Variants in RTKN2 observed in about 807,000 individuals in gnomAD.
RTKN2 encodes rhotekin-2.
RTKN2 carries 69 observed loss-of-function variants against 71.5 expected under a neutral mutation model. The observed-to-expected ratio is 0.96, with a 90% CI of 0.79 to 1.18. The LOEUF is 1.18. Ranked by LOEUF, RTKN2 falls within the 50% of genes most tolerant of loss-of-function variation. The probability of loss-of-function intolerance (pLI) is 0.00; values close to 1 mark genes in which losing one functional copy is unlikely to be tolerated. For synonymous variants in RTKN2, 236 were observed against 236.5 expected (o/e 1.00, Z 0.02); for missense variants, 724 against 719.7 (o/e 1.01, Z -0.07).
At chr10:62,203,931 T>G (rs1048609138) in intron 10 of RTKN2, among the ~76,000 whole-genome samples, 2 of 152,208 alleles carry the variant, frequency 1.3e-5, no homozygotes, top group Admixed American at 1.3e-4. Context: ...TTAGATCCCT[T>G]TCTTGCCTCT....
intron 9 of RTKN2, among the ~76,000 whole-genome samples, chr10:62,210,095 TC>T (rs1318819242): frequency 1.3e-5 from 2 of 152,180 alleles, no homozygotes; most frequent in Non-Finnish European, 2.9e-5. Flanking sequence ...GTATGAGCAT[TC>T]CTTTTTCTAA....
intron 9 of RTKN2, among the ~76,000 whole-genome samples, chr10:62,214,602 C>T (rs1052684624): frequency 3.3e-5 from 5 of 152,108 alleles, no homozygotes; most frequent in Admixed American, 2.6e-4. Flanking sequence ...AGATCCTTGT[C>T]ATCAGACTGA....
intron 8 of RTKN2, among the ~76,000 whole-genome samples, chr10:62,187,809 A>G (rs907188944): frequency 6.6e-6 from 1 of 152,150 alleles, no homozygotes; most frequent in Admixed American, 6.5e-5. Flanking sequence ...ATGCTCCCCA[A>G]TACTATCTGT....
intron 9 of RTKN2, among the ~76,000 whole-genome samples, chr10:62,211,215 G>A (rs1841652136): frequency 6.6e-6 from 1 of 152,172 alleles, no homozygotes; most frequent in Admixed American, 6.5e-5. Flanking sequence ...TATTGAGAAT[G>A]TCTTGCTCAA....
At chr10:62,225,001 T>C (rs1426697191) in intron 6 of RTKN2, among the ~76,000 whole-genome samples, 2 of 152,262 alleles carry the variant, frequency 1.3e-5, no homozygotes, top group Non-Finnish European at 2.9e-5. Flanking sequence ...GTCTGATTTA[T>C]ATTAATTTCC....
intron 3 of RTKN2, among the ~76,000 whole-genome samples, chr10:62,241,718 A>G (rs1290962539): frequency 1.3e-5 from 2 of 152,082 alleles, no homozygotes; most frequent in Non-Finnish European, 2.9e-5. Context: ...AGCTGAGATT[A>G]CAGGTGTGTG....
chr10:62,198,994 C>A (rs1029773729), intron 11 of RTKN2, among the ~76,000 whole-genome samples: 1 of 152,120 alleles, frequency 6.6e-6, no homozygotes, highest in Admixed American at 6.6e-5. Context: ...CAGAGTAAAG[C>A]CCTCATACCA....
chr10:62,261,220 A>G (rs186617069), intron 2 of RTKN2, among the ~76,000 whole-genome samples: 13 of 152,348 alleles, frequency 8.5e-5, no homozygotes, highest in Admixed American at 5.2e-4. Flanking sequence ...ATGAAAACTG[A>G]CATTTGTTGA....
In RTKN2 at chr10:62,218,167, TGTTGTAGGA is replaced by T; in HGVS notation, c.888+19_888+27del. ...TTAAGATTTAAAGTAGAGCTACAATTGTTGTAGGATATTTAAAGTCCTCTAACCTGCTGA... is the reference window on the plus strand; with the variant it reads ...TTAAGATTTAAAGTAGAGCTACAATTTATTTAAAGTCCTCTAACCTGCTGA... On this transcript the variant is annotated intron_variant, in intron 8 of 11. Coordinates refer to ENST00000373789, the MANE Select transcript of RTKN2 (RefSeq NM_145307.4). 1 of 1,357,328 alleles carries T rather than the reference TGTTGTAGGA, an allele frequency of 7.4e-7. No homozygotes were observed. The highest frequency in any genetic ancestry group is 1.4e-5 in the African/African-American group (1 of 69,974). The allele number at this position is 1,357,328 out of a possible 1,614,324, so 84.1% of individuals were successfully genotyped here. A position where few individuals can be genotyped will look rare whatever the true frequency, so the allele number is the denominator to read the frequency against.
chr10:62,188,693 GCTTTC>G (rs1841172525), downstream of RTKN2, among the ~76,000 whole-genome samples: 1 of 151,788 alleles, frequency 6.6e-6, no homozygotes. Context: ...TCTCCTAAGA[GCTTTC>G]CTTTCTTTTC....
At chr10:62,233,701 G>A (rs1266911133) in intron 6 of RTKN2, among the ~76,000 whole-genome samples, 1 of 152,096 alleles carries the variant, frequency 6.6e-6, no homozygotes. Flanking sequence ...GATGTAAAAT[G>A]TATTTTTTTA....
chr10:62,265,058 A>G lies in RTKN2; in HGVS notation c.61-2237T>C, dbSNP rs143117750. Among the ~76,000 whole-genome samples the G allele has an allele frequency of 4.0e-3, 613 of 151,980 alleles. 1 individual carries two copies. Among genetic ancestry groups the G allele is most frequent in the Non-Finnish European group, 6.4e-3 (437 of 67,982 alleles). ...TATAATGAAGACTCCATAAAACTAT[A>G]GAAGCTTGGGAAATAGTAGAGAAAG... On this transcript the variant is annotated intron_variant, in intron 1 of 11. Coordinates refer to ENST00000373789, the MANE Select transcript of RTKN2 (RefSeq NM_145307.4).
downstream of RTKN2, among the ~76,000 whole-genome samples, chr10:62,188,668 A>T (rs1841172307): frequency 6.6e-6 from 1 of 151,848 alleles, no homozygotes; most frequent in African/African-American, 2.4e-5. Context: ...TTCCTCCAAA[A>T]ATCCTTCCCA....
intron 3 of RTKN2, among the ~76,000 whole-genome samples, chr10:62,242,994 T>C (rs1842409397): frequency 6.6e-6 from 1 of 152,132 alleles, no homozygotes; most frequent in African/African-American, 2.4e-5. Context: ...AATTTTATTA[T>C]TATTATACTT....
chr10:62,193,527 A>AT lies in RTKN2; in HGVS notation c.*4380dup, dbSNP rs1433293539. ...ATTAGTAGGCCTCTCTCTGTAAAGT[A>AT]TTTTTTTAATTTTAAATATTTCTGA... On this transcript the variant is annotated 3_prime_UTR_variant, in exon 12 of 12. Transcript: ENST00000373789. 2 of 981,482 alleles carry AT rather than the reference A, an allele frequency of 2.0e-6. No individual in the cohort carries two copies. The highest frequency in any genetic ancestry group is 1.1e-4 in the East Asian group (1 of 8,810). 60.8% of individuals were successfully genotyped at this position (981,482 alleles called of 1,614,324 possible). A position where few individuals can be genotyped will look rare whatever the true frequency, so the allele number is the denominator to read the frequency against.
At chr10:62,208,988 G>A (rs955745880) in intron 9 of RTKN2, among the ~76,000 whole-genome samples, 3 of 152,196 alleles carry the variant, frequency 2.0e-5, no homozygotes, top group Admixed American at 6.5e-5. Context: ...AAAAAAGGCA[G>A]GCTGGGTGCG....
intron 5 of RTKN2, 132 bp downstream of exon 5, chr10:62,239,516 C>A: frequency 2.1e-6 from 1 of 470,274 alleles, no homozygotes; most frequent in Non-Finnish European, 3.8e-6. Context: ...TTTTTAAAAT[C>A]ATATTAAACA....
intron 2 of RTKN2, among the ~76,000 whole-genome samples, chr10:62,255,949 A>G (rs979017418): frequency 6.6e-6 from 1 of 152,158 alleles, no homozygotes; most frequent in African/African-American, 2.4e-5. Flanking sequence ...AGGTTCAATG[A>G]TACTTCAGGG....
chr10:62,234,175 TC>T (rs764424158), intron 6 of RTKN2, among the ~76,000 whole-genome samples: 78 of 152,182 alleles, frequency 5.1e-4, no homozygotes, highest in Admixed American at 8.5e-4. Flanking sequence ...TTCCCACTGA[TC>T]AAAGATGAAC....
Sources: gnomAD v4.1 joint callset for allele counts (sites outside exome capture counted in the v4.1 genomes callset) on GRCh38, gnomAD v4.1.1 for gene constraint, MANE v1.5 for transcripts, NCBI Gene and HGNC (gene_info 2026-07-23, HGNC 2026-07-21) for gene names.